PLEKHM2: variants seen among roughly 807,000 people sequenced by gnomAD.
PLEKHM2 encodes pleckstrin homology and RUN domain containing M2.
PLEKHM2 carries 77 observed loss-of-function variants against 116.3 expected under a neutral mutation model. That is an observed-to-expected ratio of 0.66 (90% CI 0.55 to 0.80). The LOEUF is 0.80. Ranked by LOEUF, PLEKHM2 falls within the 30% of genes least tolerant of loss-of-function variation. The probability of loss-of-function intolerance (pLI) is 0.00; values close to 1 mark genes in which losing one functional copy is unlikely to be tolerated. For missense variants in PLEKHM2, 1,183 were observed against 1,354.9 expected (o/e 0.87, Z 1.99); for synonymous variants, 562 against 571.0 (o/e 0.98, Z 0.22).
At chr1:15,696,779 C>CA (rs1267872557) in intron 1 of PLEKHM2, among the ~76,000 whole-genome samples, 1 of 152,250 alleles carries the variant, frequency 6.6e-6, no homozygotes, top group East Asian at 1.9e-4. Flanking sequence ...AGACATCAAA[C>CA]AAATTGCAGT....
rs1423473393 is a variant in PLEKHM2, at chr1:15,719,297, C to A, written c.466-437C>A. Among the ~76,000 whole-genome samples, 1 of 152,066 alleles carries A rather than the reference C, an allele frequency of 6.6e-6. No individual in the cohort carries two copies. The highest frequency in any genetic ancestry group is 1.9e-4 in the East Asian group (1 of 5,182). Reference sequence around the variant, plus strand: ...AAACCTCGTCTCTACTAAAAAAATACAAAAGTTAGCGGGGTGTGGTGATGG... The same window carrying A: ...AAACCTCGTCTCTACTAAAAAAATAAAAAAGTTAGCGGGGTGTGGTGATGG... On this transcript the variant is annotated intron_variant, in intron 5 of 19. Coordinates refer to ENST00000375799, the MANE Select transcript of PLEKHM2 (RefSeq NM_015164.4). This position sits in a 1 kb window ranked among gnomAD's most constrained non-coding sequence, Gnocchi z 4.1.
chr1:15,727,338 C>T lies in PLEKHM2; in HGVS notation c.1266C>T (p.Asp422=). 6.3e-7 allele frequency: 1 copy of T among 1,597,038 alleles called. No individual in the cohort carries two copies. Among genetic ancestry groups the T allele is most frequent in the Non-Finnish European group, 8.5e-7 (1 of 1,172,660 alleles). ...KVIDQLNGQL[D]PSTWCSRAEP... is the part of the protein sequence containing the mutation. ...TCGACCAGCTCAACGGGCAGCTGGA[C>T]CCCAGCACCTGGTGCTCCCGTGCTG... Residue 422 remains aspartate, a synonymous_variant, in exon 9 of 20, where the codon GAC becomes GAT. Coordinates refer to ENST00000375799, the MANE Select transcript of PLEKHM2 (RefSeq NM_015164.4). This position sits in a 1 kb window ranked among gnomAD's most constrained non-coding sequence, Gnocchi z 7.5.
chr1:15,711,861 G>T (rs2148352065), intron 1 of PLEKHM2, among the ~76,000 whole-genome samples: 1 of 152,130 alleles, frequency 6.6e-6, no homozygotes, highest in South Asian at 2.1e-4. Context: ...GCTCACGCCT[G>T]TAATCCCAGC....
Position 15,687,291 on chromosome 1 carries a change from C to T in PLEKHM2, c.60+2673C>T, listed in dbSNP as rs569188018. ...ACGCCATTCTCCTGCCTCAGCCTCC[C>T]GAGTAGCTGGGACTACAGGTTACAG... On this transcript the variant is annotated intron_variant, in intron 1 of 19. Coordinates refer to ENST00000375799, the MANE Select transcript of PLEKHM2 (RefSeq NM_015164.4). Among the ~76,000 whole-genome samples the T allele has an allele frequency of 7.2e-5, 11 of 151,992 alleles. No homozygotes were observed. The East Asian group carries it at 1.2e-3, about 16-fold the overall frequency.
rs572289696 is a variant in PLEKHM2, at chr1:15,708,511, G to A, written c.61-7726G>A. Among the ~76,000 whole-genome samples, 260 of 152,300 alleles carry A rather than the reference G, an allele frequency of 1.7e-3. 3 individuals carry two copies. The highest frequency in any genetic ancestry group is 1.6e-3 in the Non-Finnish European group (112 of 68,038). Reference sequence around the variant, plus strand: ...ATTACAGGCGTGAGCCACTGTGCCCGGTCCGGAACGGCATTTTTCTTTCTT... The same window carrying A: ...ATTACAGGCGTGAGCCACTGTGCCCAGTCCGGAACGGCATTTTTCTTTCTT... On this transcript the variant is annotated intron_variant, in intron 1 of 19. Transcript: ENST00000375799.
Position 15,729,297 on chromosome 1 carries a change from AG to A in PLEKHM2, c.2075+111del. ...GGAGGTGGAAAGTGGGAGATCCAGG[AG>A]GGGAAACCAGATGTATTCCCTCTGG... On this transcript the variant is annotated intron_variant, in intron 13 of 19. Transcript: ENST00000375799. This position sits in a 1 kb window ranked among gnomAD's most constrained non-coding sequence, Gnocchi z 4.7. 5.6e-6 allele frequency: 5 copies of A among 886,128 alleles called. No homozygotes were observed. In the East Asian group the frequency reaches 1.3e-4, roughly 23 times the overall value. The allele number at this position is 886,128 out of a possible 1,614,324, so 54.9% of individuals were successfully genotyped here. A position where few individuals can be genotyped will look rare whatever the true frequency, so the allele number is the denominator to read the frequency against.
Position 15,732,397 on chromosome 1 carries a change from G to A in PLEKHM2, c.2673G>A (p.Leu891=). 1 of 1,565,612 alleles carries A rather than the reference G, an allele frequency of 6.4e-7. No individual in the cohort carries two copies. Among genetic ancestry groups the A allele is most frequent in the Non-Finnish European group, 8.7e-7 (1 of 1,155,156 alleles). ...CCAGCCCCTGCATACCCTGCTGCCTGGTCCTCACGGATGACCGCCTCTTTA... is the reference window on the plus strand; with the variant it reads ...CCAGCCCCTGCATACCCTGCTGCCTAGTCCTCACGGATGACCGCCTCTTTA... ...VAPSPCIPCC[L]VLTDDRLFTC... is the part of the protein sequence containing the mutation. The change falls in exon 18 of 20, where the codon CTG becomes CTA. Residue 891 remains leucine, a synonymous_variant. Transcript: ENST00000375799.
chr1:15,716,119 C>T (rs1641437855), intron 1 of PLEKHM2, 118 bp from the exon 2 acceptor site: 1 of 646,408 alleles, frequency 1.5e-6, no homozygotes, highest in Non-Finnish European at 2.7e-6. Context: ...GACGTCTCTG[C>T]TGGTCATTGT....
chr1:15,690,511 A>C (rs1640868453), intron 1 of PLEKHM2, among the ~76,000 whole-genome samples: 1 of 152,220 alleles, frequency 6.6e-6, no homozygotes, highest in Admixed American at 6.5e-5. Context: ...GCTTTGTTCC[A>C]ATAAAACTTT....
At chr1:15,712,875 A>C (rs1641363401) in intron 1 of PLEKHM2, among the ~76,000 whole-genome samples, 1 of 152,026 alleles carries the variant, frequency 6.6e-6, no homozygotes, top group Non-Finnish European at 1.5e-5. Flanking sequence ...ATCTTGGCTC[A>C]CTGCAACCTC....
chr1:15,715,659 A>T (rs1002951100), intron 1 of PLEKHM2, among the ~76,000 whole-genome samples: 2 of 152,230 alleles, frequency 1.3e-5, no homozygotes, highest in East Asian at 3.8e-4. Context: ...AAACAACCAA[A>T]AAGAAAAGAA....
chr1:15,702,769 G>A (rs1641141925), intron 1 of PLEKHM2, among the ~76,000 whole-genome samples: 1 of 143,416 alleles, frequency 7.0e-6, no homozygotes, highest in African/African-American at 2.6e-5. Context: ...TGCCCAGGCT[G>A]GAGTACAGAG....
At position 15,716,384 on chromosome 1, in the gene PLEKHM2, C is replaced by T. The variant is rs115623063; in HGVS notation, c.167+41C>T. 1,157 of 1,287,512 alleles carry T rather than the reference C, an allele frequency of 9.0e-4. 11 individuals are homozygous for T. The African/African-American group carries it at 0.014, about 16-fold the overall frequency. The allele number at this position is 1,287,512 out of a possible 1,614,324, so 79.8% of individuals were successfully genotyped here. A position where few individuals can be genotyped will look rare whatever the true frequency, so the allele number is the denominator to read the frequency against. On this transcript the variant is annotated intron_variant, in intron 2 of 19. Coordinates refer to ENST00000375799, the MANE Select transcript of PLEKHM2 (RefSeq NM_015164.4). Reference sequence around the variant, plus strand: ...TTTCCAAAGATGACGGAGCACAACCCAGGCCATGAGTAGCCTCCACAGAGA... The same window carrying T: ...TTTCCAAAGATGACGGAGCACAACCTAGGCCATGAGTAGCCTCCACAGAGA...
At chr1:15,687,240 C>T (rs577778962) in intron 1 of PLEKHM2, among the ~76,000 whole-genome samples, 66 of 152,170 alleles carry the variant, frequency 4.3e-4, no homozygotes, top group African/African-American at 1.5e-3. Context: ...GATCTCAGCT[C>T]GCTGCAAGCT....
intron 7 of PLEKHM2, 21 bp from the exon 8 acceptor site, chr1:15,725,296 C>T (rs1242503678): frequency 2.0e-6 from 3 of 1,535,578 alleles, no homozygotes; most frequent in East Asian, 2.4e-5. Flanking sequence ...CAGGGTGTCT[C>T]CTGCTTCCTT....
chr1:15,730,709 T>A lies in PLEKHM2; in HGVS notation c.2386T>A (p.Phe796Ile). 1 of 1,600,170 alleles carries A rather than the reference T, an allele frequency of 6.2e-7. No individual in the cohort carries two copies. Among genetic ancestry groups the A allele is most frequent in the Non-Finnish European group, 8.5e-7 (1 of 1,173,800 alleles). ...YLGKEHWKTC[F>I]VVLSNGILYQ... ...GGGCAAGGAACACTGGAAGACGTGC[T>A]TCGTGGTGCTCAGGTGGGAGCCCTG... Residue 796 changes from phenylalanine to isoleucine, a missense_variant, in exon 15 of 20, where the codon TTC becomes ATC. Around this residue, in one of 3 missense-constraint regions of PLEKHM2, gnomAD observed 594 missense variants for 720.1 expected, o/e 0.82. Coordinates refer to ENST00000375799, the MANE Select transcript of PLEKHM2 (RefSeq NM_015164.4).
intron 1 of PLEKHM2, among the ~76,000 whole-genome samples, chr1:15,707,313 G>A (rs1440078882): frequency 6.6e-6 from 1 of 151,842 alleles, no homozygotes; most frequent in African/African-American, 2.4e-5. Flanking sequence ...CATACCTGTA[G>A]TCTCAGCTAT....
intron 1 of PLEKHM2, among the ~76,000 whole-genome samples, chr1:15,702,169 G>A (rs1641128132): frequency 6.6e-6 from 1 of 152,218 alleles, no homozygotes; most frequent in Non-Finnish European, 1.5e-5. Flanking sequence ...GCTGTGAGTA[G>A]AATTCCCAGA....
rs1286146082 is a variant in PLEKHM2 at position 15,731,937 on chromosome 1, C to T, written c.2514C>T (p.Pro838=). 5.6e-6 allele frequency: 9 copies of T among 1,611,512 alleles called. No individual in the cohort carries two copies. The highest frequency in any genetic ancestry group is 6.8e-6 in the Non-Finnish European group (8 of 1,179,410). ...GCRRANTTDR[P]HAFQVILSDR... is the part of the protein sequence containing the mutation. ...GGAGAGCCAACACCACGGATCGGCC[C>T]CACGCCTTCCAGGTCATTCTCTCCG... is the stretch of plus-strand genomic sequence containing the variant. The change falls in exon 17 of 20, where the codon CCC becomes CCT. Residue 838 remains proline (P), a synonymous_variant. Transcript: ENST00000375799.
Sources: gnomAD v4.1 joint callset for allele counts (sites outside exome capture counted in the v4.1 genomes callset) on GRCh38, gnomAD v4.1.1 for gene constraint, gnomAD v4.1.1 regional missense constraint, Gnocchi (gnomAD v3.1) non-coding constraint, MANE v1.5 for transcripts, NCBI Gene and HGNC (gene_info 2026-07-23, HGNC 2026-07-21) for gene names.